ERCC6L2: variants seen among roughly 807,000 people sequenced by gnomAD.
ERCC6L2 encodes the protein DNA excision repair protein ERCC-6-like 2.
A neutral mutation model predicts 132.0 loss-of-function variants in ERCC6L2; 77 were observed. The ratio of observed to expected loss-of-function variants is 0.58; its 90% confidence interval spans 0.49 to 0.71. The LOEUF is 0.71. Ranked by LOEUF, ERCC6L2 falls within the 30% of genes least tolerant of loss-of-function variation. ERCC6L2 has a pLI of 0.00. For missense variants in ERCC6L2, 1,542 were observed against 1,837.6 expected (o/e 0.84, Z 2.94); for synonymous variants, 583 against 632.4 (o/e 0.92, Z 1.17).
chr9:96,007,970 A>C (rs1303311662), intron 18 of ERCC6L2, among the ~76,000 whole-genome samples: 3 of 151,948 alleles, frequency 2.0e-5, no homozygotes, highest in African/African-American at 4.8e-5. Flanking sequence ...AGCTCTTTGG[A>C]GTGCTGGCGT....
intron 2 of ERCC6L2, among the ~76,000 whole-genome samples, chr9:95,883,488 A>G (rs1173319168): frequency 6.6e-6 from 1 of 152,206 alleles, no homozygotes; most frequent in Non-Finnish European, 1.5e-5. Flanking sequence ...CTGTTTTCGC[A>G]TATACTTCTA....
intron 4 of ERCC6L2, among the ~76,000 whole-genome samples, chr9:95,913,912 C>T (rs1246391522): frequency 1.3e-5 from 2 of 152,200 alleles, no homozygotes; most frequent in African/African-American, 4.8e-5. Context: ...AGCTGATGGA[C>T]ATTTAATTGT....
intron 2 of ERCC6L2, among the ~76,000 whole-genome samples, chr9:95,885,696 T>G (rs1460265336): frequency 6.6e-6 from 1 of 152,022 alleles, no homozygotes; most frequent in African/African-American, 2.4e-5. Context: ...AAGAGGTGAG[T>G]GGGTGCTTAC....
At chr9:95,923,520 A>T in intron 9 of ERCC6L2, 141 bp downstream of exon 9, 1 of 906,778 alleles carries the variant, frequency 1.1e-6, no homozygotes, top group Non-Finnish European at 1.6e-6. Context: ...GTGCAATTGT[A>T]TCAGCATTTA....
intron 2 of ERCC6L2, among the ~76,000 whole-genome samples, chr9:95,881,666 A>G (rs1210043154): frequency 6.6e-6 from 1 of 152,184 alleles, no homozygotes; most frequent in Non-Finnish European, 1.5e-5. Flanking sequence ...AATTGTTCCT[A>G]TAGGCCTTTT....
intron 11 of ERCC6L2, among the ~76,000 whole-genome samples, chr9:95,941,105 T>A (rs1307715441): frequency 3.3e-5 from 5 of 152,196 alleles, no homozygotes; most frequent in Non-Finnish European, 5.9e-5. Context: ...AGTTTTTTAA[T>A]GTATGCATTA....
rs186083008 is a variant in ERCC6L2, at chr9:95,969,900, T to C, written c.2101-676T>C. Reference sequence around the variant, plus strand: ...TTTCTCCTTGCTCTGTCAACAAATATAGCCTTAAAAAGAGAATTGATTTCC... The same window carrying C: ...TTTCTCCTTGCTCTGTCAACAAATACAGCCTTAAAAAGAGAATTGATTTCC... On this transcript the variant is annotated intron_variant, in intron 14 of 18. Coordinates refer to ENST00000653738, the MANE Select transcript of ERCC6L2 (RefSeq NM_020207.7). 1.4e-4 allele frequency among the ~76,000 whole-genome samples: 21 copies of C among 152,270 alleles called. No homozygotes were observed. The East Asian group carries it at 3.3e-3, about 24-fold the overall frequency.
intron 2 of ERCC6L2, among the ~76,000 whole-genome samples, chr9:95,884,695 T>A (rs565224903): frequency 6.6e-6 from 1 of 152,198 alleles, no homozygotes; most frequent in South Asian, 2.1e-4. Flanking sequence ...GTCCATTTGT[T>A]CTAGTGACAT....
chr9:95,892,372 T>C lies in ERCC6L2; in HGVS notation c.472-5477T>C, dbSNP rs73534630. 2.8e-3 allele frequency among the ~76,000 whole-genome samples: 426 copies of C among 151,856 alleles called. 2 individuals carry two copies. Among genetic ancestry groups the C allele is most frequent in the African/African-American group, 0.01 (415 of 41,396 alleles). ...TGTAGGATAGAATTCTAAGAGTATT[T>C]CTCTGTAGGATAGATTCCTAAAAGT... On this transcript the variant is annotated intron_variant, in intron 2 of 18. Coordinates refer to ENST00000653738, the MANE Select transcript of ERCC6L2 (RefSeq NM_020207.7).
chr9:95,996,063 CT>C (rs1348233333), intron 17 of ERCC6L2, among the ~76,000 whole-genome samples: 2 of 152,210 alleles, frequency 1.3e-5, no homozygotes, highest in Non-Finnish European at 2.9e-5. Context: ...CCAAAATAGG[CT>C]GAAAACTAGG....
chr9:95,961,081 A>T (rs1461768569), intron 13 of ERCC6L2, among the ~76,000 whole-genome samples: 1 of 152,146 alleles, frequency 6.6e-6, no homozygotes, highest in Non-Finnish European at 1.5e-5. Context: ...TAAATATGAA[A>T]ATCTTTAACC....
At chr9:95,956,507 G>A (rs1285009418) in intron 13 of ERCC6L2, among the ~76,000 whole-genome samples, 1 of 152,146 alleles carries the variant, frequency 6.6e-6, no homozygotes, top group African/African-American at 2.4e-5. Context: ...TCATTCTCAT[G>A]CTGCCATAAA....
At chr9:96,029,323 A>AC (rs1554765210) in intron 19 of ERCC6L2, among the ~76,000 whole-genome samples, 2 of 142,298 alleles carry the variant, frequency 1.4e-5, no homozygotes, top group South Asian at 2.2e-4. Flanking sequence ...AAAAAAAAAA[A>AC]CAAAAAAAAA....
rs560032595 is a variant in ERCC6L2, at chr9:95,900,198, A to G, written c.594+2227A>G. On this transcript the variant is annotated intron_variant, in intron 3 of 18. Transcript: ENST00000653738. Reference sequence around the variant, plus strand: ...AGTTTGAGACCGGCCTGCGCACCATAAGAATACCCTGTCTTTACAGAAAAT... The same window carrying G: ...AGTTTGAGACCGGCCTGCGCACCATGAGAATACCCTGTCTTTACAGAAAAT... Among the ~76,000 whole-genome samples, 10 of 152,158 alleles carry G rather than the reference A, an allele frequency of 6.6e-5. No individual in the cohort carries two copies. In the East Asian group the frequency reaches 1.9e-3, roughly 29 times the overall value.
chr9:95,940,871 G>C (rs1490736316), intron 11 of ERCC6L2, among the ~76,000 whole-genome samples: 2 of 151,874 alleles, frequency 1.3e-5, no homozygotes, highest in South Asian at 2.1e-4. Flanking sequence ...CTTCAGCTAG[G>C]CTTTCTTTTT....
intron 14 of ERCC6L2, 78 bp from the exon 15 acceptor site, chr9:95,970,498 G>T: frequency 1.4e-6 from 1 of 736,748 alleles, no homozygotes; most frequent in Admixed American, 3.4e-5. Flanking sequence ...AGAATAGCAT[G>T]CATTGCTGTT....
intron 11 of ERCC6L2, among the ~76,000 whole-genome samples, chr9:95,930,645 A>G (rs990634507): frequency 1.3e-5 from 2 of 152,126 alleles, no homozygotes; most frequent in East Asian, 1.9e-4. Flanking sequence ...TTATTTGTCT[A>G]TAAACTACTT....
rs1218474585 is a variant in ERCC6L2, at chr9:95,894,584, C to CTTT, written c.472-3240_472-3238dup. Among the ~76,000 whole-genome samples, 118 of 83,500 alleles carry CTTT rather than the reference C, an allele frequency of 1.4e-3. 21 individuals are homozygous for CTTT. Among genetic ancestry groups the CTTT allele is most frequent in the African/African-American group, 6.7e-3 (112 of 16,694 alleles). The allele number at this position is 83,500 out of a possible 152,430, so 54.8% of individuals were successfully genotyped here. A position where few individuals can be genotyped will look rare whatever the true frequency, so the allele number is the denominator to read the frequency against. On this transcript the variant is annotated intron_variant, in intron 2 of 18. Transcript: ENST00000653738. ...CTTCTGTGGCCTGGCATATGTCAGC[C>CTTT]TTTTTTTTTTTTTTTTTTTTTTTTT...
chr9:96,001,113 T>G lies in ERCC6L2; in HGVS notation c.3493-3407T>G, dbSNP rs529072194. On this transcript the variant is annotated intron_variant, in intron 17 of 18. Transcript: ENST00000653738. ...TTCATTCCTCCCGGTGGGCTCGTGGTCTCGCTGGGCTCAGGAGTGAAGCTG... is the reference window on the plus strand; with the variant it reads ...TTCATTCCTCCCGGTGGGCTCGTGGGCTCGCTGGGCTCAGGAGTGAAGCTG... Among the ~76,000 whole-genome samples the G allele has an allele frequency of 1.0e-3, 158 of 152,182 alleles. 1 individual carries two copies. The highest frequency in any genetic ancestry group is 2.0e-3 in the Non-Finnish European group (134 of 68,008).
Sources: gnomAD v4.1 joint callset for allele counts (sites outside exome capture counted in the v4.1 genomes callset) on GRCh38, gnomAD v4.1.1 for gene constraint, MANE v1.5 for transcripts, NCBI Gene and HGNC (gene_info 2026-07-23, HGNC 2026-07-21) for gene names.